MTUS2: variants seen among roughly 807,000 people sequenced by gnomAD.
MTUS2 encodes the protein microtubule-associated tumor suppressor candidate 2.
In MTUS2, 40 loss-of-function variants were observed where a neutral mutation model predicts 114.1. That is an observed-to-expected ratio of 0.35 (90% CI 0.27 to 0.46). The LOEUF is 0.46. Ranked by LOEUF, MTUS2 falls within the 20% of genes least tolerant of loss-of-function variation. The pLI, the probability that MTUS2 is intolerant of heterozygous loss-of-function variation, is 1.00. For missense variants in MTUS2, 1,679 were observed against 1,705.4 expected, an observed-to-expected ratio of 0.98 and a Z score of 0.27; for synonymous variants, 688 against 672.0, an observed-to-expected ratio of 1.02 and a Z score of -0.37.
chr13:29,063,053 T>G (rs1209425162), intron 4 of MTUS2, among the ~76,000 whole-genome samples: 1 of 152,194 alleles, frequency 6.6e-6, no homozygotes, highest in African/African-American at 2.4e-5. Context: ...GCAGAACTAT[T>G]ACCTCCCTTT....
intron 5 of MTUS2, among the ~76,000 whole-genome samples, chr13:29,216,074 G>A (rs1895668500): frequency 6.6e-6 from 1 of 152,164 alleles, no homozygotes; most frequent in Non-Finnish European, 1.5e-5. Context: ...GAGATGACCT[G>A]CCCAGTGAGG....
chr13:28,911,122 A>C (rs930957862), intron 2 of MTUS2, among the ~76,000 whole-genome samples: 4 of 139,068 alleles, frequency 2.9e-5, no homozygotes, highest in Non-Finnish European at 6.1e-5. Context: ...TGATCTGCCC[A>C]CCTTGGCCTC....
chr13:29,400,989 TTTC>T (rs1230218264), intron 8 of MTUS2, among the ~76,000 whole-genome samples: 11 of 152,286 alleles, frequency 7.2e-5, no homozygotes, highest in African/African-American at 1.4e-4. Context: ...AATATTTTCT[TTTC>T]TTCTTCTTTT....
chr13:29,177,143 A>G (rs1336246517), intron 5 of MTUS2, among the ~76,000 whole-genome samples: 1 of 151,062 alleles, frequency 6.6e-6, no homozygotes, highest in African/African-American at 2.5e-5. Context: ...GTTTACTTTT[A>G]GCCTAAGATC....
chr13:28,956,036 T>G (rs1247311341), intron 2 of MTUS2, among the ~76,000 whole-genome samples: 1 of 151,354 alleles, frequency 6.6e-6, no homozygotes, highest in Non-Finnish European at 1.5e-5. Flanking sequence ...GCACCATATT[T>G]GTAGTCTTCT....
At chr13:29,086,209 C>T (rs1476015174) in intron 4 of MTUS2, among the ~76,000 whole-genome samples, 1 of 152,086 alleles carries the variant, frequency 6.6e-6, no homozygotes, top group African/African-American at 2.4e-5. Context: ...AATTTGCTAA[C>T]ATTTTCTCCC....
chr13:29,316,895 C>T (rs746510938), intron 6 of MTUS2, among the ~76,000 whole-genome samples: 22 of 152,120 alleles, frequency 1.4e-4, no homozygotes, highest in Admixed American at 4.6e-4. Flanking sequence ...GTGTAACTTC[C>T]GTTACAGCTC....
At chr13:29,173,212 T>C (rs906448151) in intron 5 of MTUS2, among the ~76,000 whole-genome samples, 6 of 152,200 alleles carry the variant, frequency 3.9e-5, no homozygotes, top group Non-Finnish European at 8.8e-5. Flanking sequence ...TCATCTGTTC[T>C]ACTCTAAGGG....
At position 29,487,891 on chromosome 13, in the gene MTUS2, C is replaced by G. The variant is rs748897312; in HGVS notation, c.3400-9C>G. Reference sequence around the variant, plus strand: ...CTCTGTCTAACCAGTAACTGCGACTCTCCTCCAGGTGGAAGATCTCACCGC... The same window carrying G: ...CTCTGTCTAACCAGTAACTGCGACTGTCCTCCAGGTGGAAGATCTCACCGC... On this transcript the variant is annotated splice_polypyrimidine_tract_variant and intron_variant, in intron 10 of 15. Coordinates refer to ENST00000612955, the MANE Select transcript of MTUS2 (RefSeq NM_001033602.4). 1.2e-6 allele frequency: 2 copies of G among 1,607,750 alleles called. No homozygotes were observed. Among genetic ancestry groups the G allele is most frequent in the African/African-American group, 1.3e-5 (1 of 74,918 alleles).
At chr13:29,357,154 A>G (rs1869811971) in intron 7 of MTUS2, among the ~76,000 whole-genome samples, 2 of 149,808 alleles carry the variant, frequency 1.3e-5, no homozygotes, top group Non-Finnish European at 3.0e-5. Context: ...TCCATTTACC[A>G]TTGAGTATAA....
At position 29,153,112 on chromosome 13, in the gene MTUS2, T is replaced by C. The variant is rs114053680; in HGVS notation, c.2644+52142T>C. Among the ~76,000 whole-genome samples the C allele has an allele frequency of 8.0e-3, 1,218 of 152,288 alleles. 12 individuals carry two copies. Among genetic ancestry groups the C allele is most frequent in the African/African-American group, 0.027 (1,139 of 41,554 alleles). On this transcript the variant is annotated intron_variant, in intron 5 of 15. Coordinates refer to ENST00000612955, the MANE Select transcript of MTUS2 (RefSeq NM_001033602.4). ...TGTGCCAGATGAACTCCATGATGCC[T>C]TCAAGCTAAATTGTCTTGAATTCTG...
rs185450058 is a variant in MTUS2 at position 29,082,918 on chromosome 13, T to G, written c.2447-17855T>G. Among the ~76,000 whole-genome samples, 48 of 151,822 alleles carry G rather than the reference T, an allele frequency of 3.2e-4. No individual in the cohort carries two copies. In the East Asian group the frequency reaches 9.1e-3, roughly 29 times the overall value. On this transcript the variant is annotated intron_variant, in intron 4 of 15. Transcript: ENST00000612955. ...TTACTAAAGCTTTTATAGTGAGGAG[T>G]CTCTGAGGGAACTAAAGGAAATGCA...
At chr13:29,279,308 G>T (rs1898181487) in intron 5 of MTUS2, among the ~76,000 whole-genome samples, 1 of 152,124 alleles carries the variant, frequency 6.6e-6, no homozygotes, top group Non-Finnish European at 1.5e-5. Flanking sequence ...GGAAGGGTAG[G>T]TAAATTTCCT....
At chr13:29,463,961 T>G (rs1879705141) in intron 9 of MTUS2, among the ~76,000 whole-genome samples, 1 of 152,116 alleles carries the variant, frequency 6.6e-6, no homozygotes, top group East Asian at 1.9e-4. Context: ...ACCACTGCAC[T>G]CCAGCATGGG....
chr13:29,418,170 G>GA (rs375957705), intron 8 of MTUS2, among the ~76,000 whole-genome samples: 4 of 152,258 alleles, frequency 2.6e-5, no homozygotes, highest in African/African-American at 9.6e-5. Context: ...AATAGTCCTT[G>GA]AAAAATATGA....
At position 29,389,329 on chromosome 13, in the gene MTUS2, GTA is replaced by G. The variant is rs201505705; in HGVS notation, c.3117+29862_3117+29863del. Among the ~76,000 whole-genome samples the G allele has an allele frequency of 3.8e-3, 266 of 70,822 alleles. 19 individuals are homozygous for G. The highest frequency in any genetic ancestry group is 4.1e-3 in the Non-Finnish European group (131 of 32,042). 46.5% of individuals were successfully genotyped at this position (70,822 alleles called of 152,430 possible). A position where few individuals can be genotyped will look rare whatever the true frequency, so the allele number is the denominator to read the frequency against. On this transcript the variant is annotated intron_variant, in intron 8 of 15. Coordinates refer to ENST00000612955, the MANE Select transcript of MTUS2 (RefSeq NM_001033602.4). ...TGTATATATGTATACACATATGTGT[GTA>G]TATATGTATGCACGTGTGTGTATAT...
chr13:29,397,236 C>A (rs1279400379), intron 8 of MTUS2, among the ~76,000 whole-genome samples: 1 of 152,190 alleles, frequency 6.6e-6, no homozygotes, highest in African/African-American at 2.4e-5. Context: ...CTGTCTTAAC[C>A]CAGACCTGCC....
At chr13:29,428,582 C>T (rs1182144870) in intron 8 of MTUS2, 2 of 631,990 alleles carry the variant, frequency 3.2e-6, no homozygotes, top group Non-Finnish European at 2.4e-6. Flanking sequence ...TCCTGCCTGT[C>T]CCCTCCCTTC....
At chr13:29,257,494 A>G (rs767810573) in intron 5 of MTUS2, among the ~76,000 whole-genome samples, 15 of 152,238 alleles carry the variant, frequency 9.9e-5, no homozygotes, top group South Asian at 2.1e-4. Flanking sequence ...CGAATAAAAA[A>G]TCATGATATA....
Sources: gnomAD v4.1 joint callset for allele counts (sites outside exome capture counted in the v4.1 genomes callset) on GRCh38, gnomAD v4.1.1 for gene constraint, MANE v1.5 for transcripts, NCBI Gene and HGNC (gene_info 2026-07-23, HGNC 2026-07-21) for gene names.